Variants in TLL2 observed in about 807,000 individuals in gnomAD.
TLL2 encodes tolloid-like protein 2.
In TLL2, 106 loss-of-function variants were observed where a neutral mutation model predicts 123.0. The observed-to-expected ratio is 0.86, with a 90% confidence interval of 0.74 to 1.01. The LOEUF is 1.01. Among genes scored for constraint, TLL2 ranks in the 50% least tolerant of loss-of-function variants. The pLI is 0.00. For missense variants in TLL2, 1,332 were observed against 1,336.7 expected, an observed-to-expected ratio of 1.00 and a Z score of 0.06; for synonymous variants, 494 against 516.8, an observed-to-expected ratio of 0.96 and a Z score of 0.60.
At chr10:96,468,860 A>C (rs1036396038) in intron 2 of TLL2, among the ~76,000 whole-genome samples, 1 of 152,306 alleles carries the variant, frequency 6.6e-6, no homozygotes, top group South Asian at 2.1e-4. Flanking sequence ...TTTTCCCAAC[A>C]CTTCAAGTTC....
intron 4 of TLL2, 62 bp downstream of exon 4, chr10:96,432,743 ACT>A: frequency 1.3e-6 from 2 of 1,567,850 alleles, no homozygotes; most frequent in East Asian, 2.3e-5. Flanking sequence ...TCCTAGAAGG[ACT>A]CTCTCAACCC....
At chr10:96,369,753 A>G (rs1186758016) in intron 20 of TLL2, among the ~76,000 whole-genome samples, 6 of 151,170 alleles carry the variant, frequency 4.0e-5, no homozygotes, top group African/African-American at 9.7e-5. Flanking sequence ...TCTCGGGGGA[A>G]AAAAAAGAAA....
intron 2 of TLL2, among the ~76,000 whole-genome samples, chr10:96,447,529 T>C (rs1846909982): frequency 6.6e-6 from 1 of 152,022 alleles, no homozygotes; most frequent in African/African-American, 2.4e-5. Context: ...AGCTCGCAGG[T>C]AGGGCTAGTG....
intron 2 of TLL2, among the ~76,000 whole-genome samples, chr10:96,479,841 T>A (rs537410672): frequency 6.6e-6 from 1 of 152,344 alleles, no homozygotes; most frequent in Admixed American, 6.5e-5. Context: ...CCCCCCATAC[T>A]TTCTGCCTTT....
rs111348224 is a variant in TLL2, at chr10:96,367,549, C to CT, written c.*538dup. On this transcript the variant is annotated 3_prime_UTR_variant, in exon 21 of 21. Coordinates refer to ENST00000357947, the MANE Select transcript of TLL2 (RefSeq NM_012465.4). ...CTGTGCTCACTGCTCACTGTGATGC[C>CT]TTTTTTTAGTCCTGACATCCATCCA... 384 of 154,126 alleles carry CT rather than the reference C, an allele frequency of 2.5e-3. 2 individuals are homozygous for CT. Among genetic ancestry groups the CT allele is most frequent in the African/African-American group, 8.8e-3 (365 of 41,554 alleles). The allele number at this position is 154,126 out of a possible 1,614,324, so 9.5% of individuals were successfully genotyped here. A position where few individuals can be genotyped will look rare whatever the true frequency, so the allele number is the denominator to read the frequency against.
chr10:96,406,733 C>G (rs11817712), intron 9 of TLL2, among the ~76,000 whole-genome samples: 2,434 of 152,254 alleles, frequency 0.016, 49 homozygotes, highest in African/African-American at 0.056. Context: ...CTCCTCTGCC[C>G]TTCCCGCTCC....
At chr10:96,468,190 C>T (rs10736109) in intron 2 of TLL2, among the ~76,000 whole-genome samples, 85,937 of 152,026 alleles carry the variant, frequency 0.57, 24,518 homozygotes, top group Middle Eastern at 0.66. Flanking sequence ...TTCATTTCCA[C>T]GTCCTCCCTC....
At chr10:96,502,376 T>A (rs1847543129) in intron 1 of TLL2, among the ~76,000 whole-genome samples, 1 of 152,100 alleles carries the variant, frequency 6.6e-6, no homozygotes, top group Admixed American at 6.6e-5. Flanking sequence ...GGAAAACAGA[T>A]TTTGGGAGGC....
At chr10:96,497,338 A>C (rs1165790063) in intron 1 of TLL2, among the ~76,000 whole-genome samples, 1 of 152,118 alleles carries the variant, frequency 6.6e-6, no homozygotes, top group East Asian at 1.9e-4. Flanking sequence ...GATACTAAAA[A>C]TATTTCAGTC....
Position 96,513,678 on chromosome 10 carries a change from C to T in TLL2, c.8G>A (p.Arg3Gln), listed in dbSNP as rs1402793715. 1.9e-6 allele frequency: 3 copies of T among 1,547,014 alleles called. No homozygotes were observed. Among genetic ancestry groups the T allele is most frequent in the African/African-American group, 1.4e-5 (1 of 72,820 alleles). MPRATALGALVSL... is the reference protein window; with the variant it reads MPQATALGALVSL... ...CACCAGGGCCCCAAGTGCAGTCGCCCGGGGCATGGTGGCGCGGGGCCGGCT... is the reference window on the plus strand; with the variant it reads ...CACCAGGGCCCCAAGTGCAGTCGCCTGGGGCATGGTGGCGCGGGGCCGGCT... Residue 3 changes from arginine to glutamine, a missense_variant, in exon 1 of 21, where the codon CGG (arginine) becomes CAG (glutamine). By Grantham distance (43) the Arg-to-Gln change is conservative (BLOSUM62 1). Coordinates refer to ENST00000357947, the MANE Select transcript of TLL2 (RefSeq NM_012465.4).
rs559106142 is a variant in TLL2 at position 96,386,205 on chromosome 10, G to A, written c.1863C>T (p.Gly621=). Reference sequence around the variant, plus strand: ...TTCCATTCAGCTTGGTAATGAAACCGCCACAGGCCACTGCACGGGGGAAAC... The same window carrying A: ...TTCCATTCAGCTTGGTAATGAAACCACCACAGGCCACTGCACGGGGGAAAC... ...ADKKMCEVAC[G]GFITKLNGTI... The change falls in exon 15 of 21, where the codon GGC becomes GGT. Residue 621 remains glycine, a synonymous_variant. Transcript: ENST00000357947. The A allele has an allele frequency of 3.6e-5, 57 of 1,595,462 alleles. No individual in the cohort carries two copies. In the East Asian group the frequency reaches 1.0e-3, roughly 29 times the overall value.
chr10:96,435,771 CT>C (rs1212002854), intron 3 of TLL2, among the ~76,000 whole-genome samples: 1 of 152,150 alleles, frequency 6.6e-6, no homozygotes, highest in East Asian at 1.9e-4. Flanking sequence ...ACTGGCCATC[CT>C]TTCCTAGCTT....
intron 13 of TLL2, among the ~76,000 whole-genome samples, chr10:96,390,363 T>G (rs2134060260): frequency 6.6e-6 from 1 of 152,368 alleles, no homozygotes; most frequent in South Asian, 2.1e-4. Flanking sequence ...GTGGGAAATC[T>G]TTAATTCTTT....
chr10:96,476,241 T>TACATATA (rs1554939631), intron 2 of TLL2, among the ~76,000 whole-genome samples: 1 of 72,410 alleles, frequency 1.4e-5, no homozygotes. Context: ...TATATATATA[T>TACATATA]TTTATTTTTG....
At chr10:96,378,945 AC>A in intron 17 of TLL2, 21 bp downstream of exon 17, 2 of 1,612,442 alleles carry the variant, frequency 1.2e-6, no homozygotes, top group Admixed American at 3.3e-5. Context: ...CGCCCCCCCA[AC>A]AACTGGAGGT....
chr10:96,414,658 T>A (rs1192666192), intron 7 of TLL2, among the ~76,000 whole-genome samples: 1 of 152,162 alleles, frequency 6.6e-6, no homozygotes, highest in African/African-American at 2.4e-5. Context: ...CAGGATCCTC[T>A]GCTGAGCCCC....
chr10:96,410,603 G>T (rs1454073576), intron 8 of TLL2, 129 bp from the exon 9 acceptor site: 1 of 746,454 alleles, frequency 1.3e-6, no homozygotes, highest in South Asian at 1.5e-5. Flanking sequence ...TTGGTGAGAA[G>T]TGTAGCAAGC....
At chr10:96,443,396 A>G (rs1846867197) in intron 3 of TLL2, among the ~76,000 whole-genome samples, 1 of 152,164 alleles carries the variant, frequency 6.6e-6, no homozygotes. Context: ...TGATTAGACA[A>G]CTGAATGGTG....
intron 2 of TLL2, among the ~76,000 whole-genome samples, chr10:96,462,967 C>T (rs1230814885): frequency 6.6e-6 from 1 of 152,208 alleles, no homozygotes; most frequent in Non-Finnish European, 1.5e-5. Context: ...GCAGATCATC[C>T]GGCCTCAGCT....
Sources: gnomAD v4.1 joint callset for allele counts (sites outside exome capture counted in the v4.1 genomes callset) on GRCh38, gnomAD v4.1.1 for gene constraint, MANE v1.5 for transcripts, NCBI Gene and HGNC (gene_info 2026-07-23, HGNC 2026-07-21) for gene names.